PRKCE: variants seen among roughly 807,000 people sequenced by gnomAD.
PRKCE encodes the protein protein kinase C epsilon, also known as protein kinase C epsilon type.
In PRKCE, 16 loss-of-function variants were observed where a neutral mutation model predicts 85.4. The observed-to-expected ratio is 0.19, with a 90% CI of 0.13 to 0.28. The LOEUF is 0.28. Among genes scored for constraint, PRKCE ranks in the 10% least tolerant of loss-of-function variants. The pLI is 1.00. For missense variants in PRKCE, 573 were observed against 975.2 expected, an observed-to-expected ratio of 0.59 and a Z score of 5.49; for synonymous variants, 388 against 371.5, an observed-to-expected ratio of 1.04 and a Z score of -0.51.
At chr2:46,088,791 A>C (rs1669887256) in intron 11 of PRKCE, among the ~76,000 whole-genome samples, 1 of 152,184 alleles carries the variant, frequency 6.6e-6, no homozygotes, top group Admixed American at 6.5e-5. Flanking sequence ...TCTCTAATAC[A>C]GTGAGTACAA....
At chr2:45,727,703 A>G (rs1681196665) in intron 1 of PRKCE, among the ~76,000 whole-genome samples, 1 of 152,048 alleles carries the variant, frequency 6.6e-6, no homozygotes, top group Non-Finnish European at 1.5e-5. Context: ...CACCCAGGCT[A>G]GAGTGCAGTG....
chr2:45,712,538 G>A, intron 1 of PRKCE, among the ~76,000 whole-genome samples: 1 of 152,116 alleles, frequency 6.6e-6, no homozygotes, highest in East Asian at 1.9e-4. Flanking sequence ...ACTGTTGGTG[G>A]CCTCCAGGAA....
intron 14 of PRKCE, among the ~76,000 whole-genome samples, chr2:46,168,208 T>G (rs1413469196): frequency 6.6e-6 from 1 of 152,334 alleles, no homozygotes; most frequent in East Asian, 1.9e-4. Context: ...AGCTTTTCTT[T>G]GTGTCTTAAT....
chr2:45,818,246 A>T (rs1689243317), intron 1 of PRKCE, among the ~76,000 whole-genome samples: 1 of 152,178 alleles, frequency 6.6e-6, no homozygotes, highest in South Asian at 2.1e-4. Context: ...TTCATTCCAA[A>T]TATTTGGGAC....
chr2:45,846,373 GTTC>G (rs1359934559), intron 2 of PRKCE, among the ~76,000 whole-genome samples: 3 of 152,142 alleles, frequency 2.0e-5, no homozygotes, highest in South Asian at 2.1e-4. Context: ...GGACTGATAG[GTTC>G]TTCTTCCCAT....
chr2:45,981,497 G>A (rs1038078739), intron 5 of PRKCE, among the ~76,000 whole-genome samples: 1 of 152,132 alleles, frequency 6.6e-6, no homozygotes, highest in African/African-American at 2.4e-5. Flanking sequence ...ACTGTCTCTG[G>A]AAAGCAACAA....
chr2:46,092,090 C>T (rs1022318060), intron 11 of PRKCE, among the ~76,000 whole-genome samples: 1 of 152,172 alleles, frequency 6.6e-6, no homozygotes, highest in African/African-American at 2.4e-5. Flanking sequence ...CTTACAAAAC[C>T]TCTTTGTGAC....
At chr2:45,837,611 A>G (rs1020788756) in intron 1 of PRKCE, among the ~76,000 whole-genome samples, 1 of 152,186 alleles carries the variant, frequency 6.6e-6, no homozygotes, top group Non-Finnish European at 1.5e-5. Flanking sequence ...ATGCACAGAC[A>G]TAGGTGTGAA....
intron 11 of PRKCE, among the ~76,000 whole-genome samples, chr2:46,117,295 A>G (rs1672867305): frequency 6.6e-6 from 1 of 152,222 alleles, no homozygotes; most frequent in East Asian, 1.9e-4. Context: ...TTTACATTGA[A>G]TACATCTACA....
intron 10 of PRKCE, among the ~76,000 whole-genome samples, chr2:46,055,330 A>C (rs367865023): frequency 1.1e-4 from 17 of 152,192 alleles, no homozygotes; most frequent in African/African-American, 4.1e-4. Context: ...CCATCCCACA[A>C]GGGTGGAACT....
At chr2:46,154,974 G>A (rs1036015780) in intron 13 of PRKCE, among the ~76,000 whole-genome samples, 9 of 152,178 alleles carry the variant, frequency 5.9e-5, no homozygotes, top group Non-Finnish European at 1.0e-4. Context: ...TAGGAGCTAT[G>A]TAACTGTTTG....
chr2:46,037,216 C>T (rs944929970), intron 10 of PRKCE, among the ~76,000 whole-genome samples: 1 of 152,222 alleles, frequency 6.6e-6, no homozygotes, highest in African/African-American at 2.4e-5. Context: ...TTTCTGGAAC[C>T]ACTGGAATCC....
At position 46,139,112 on chromosome 2, in the gene PRKCE, C is replaced by T. The variant is rs746945921; in HGVS notation, c.1593-5981C>T. ...AGGGGGAAATGCTAGGAGTGGCCCT[C>T]CTAAAATCAGGGACCACCAAAGATG... On this transcript the variant is annotated intron_variant, in intron 11 of 14. Coordinates refer to ENST00000306156, the MANE Select transcript of PRKCE (RefSeq NM_005400.3). This position sits in a 1 kb window ranked among gnomAD's most constrained non-coding sequence, Gnocchi z 5.2. Among the ~76,000 whole-genome samples the T allele has an allele frequency of 4.6e-5, 7 of 152,106 alleles. No homozygotes were observed. Among genetic ancestry groups the T allele is most frequent in the Non-Finnish European group, 1.0e-4 (7 of 68,022 alleles).
chr2:45,740,161 G>A (rs1432176849), intron 1 of PRKCE, among the ~76,000 whole-genome samples: 3 of 105,560 alleles, frequency 2.8e-5, no homozygotes, highest in Admixed American at 9.2e-5. Context: ...AAAAAAAAAA[G>A]GACTTATTCA....
intron 2 of PRKCE, among the ~76,000 whole-genome samples, chr2:45,964,106 C>G (rs2104443715): frequency 6.6e-6 from 1 of 152,314 alleles, no homozygotes. Context: ...ACCCCATAGC[C>G]TTTAGGGTTG....
At chr2:46,075,230 A>T (rs1668456342) in intron 10 of PRKCE, among the ~76,000 whole-genome samples, 1 of 151,898 alleles carries the variant, frequency 6.6e-6, no homozygotes, top group South Asian at 2.1e-4. Context: ...TTTAGTACAG[A>T]CAGGGTTTCA....
At chr2:45,995,269 TTTTG>T (rs1363188033) in intron 6 of PRKCE, among the ~76,000 whole-genome samples, 2 of 152,080 alleles carry the variant, frequency 1.3e-5, no homozygotes, top group Non-Finnish European at 1.5e-5. Flanking sequence ...TGTGGTTTGG[TTTTG>T]TTTGTTTTTT....
intron 1 of PRKCE, among the ~76,000 whole-genome samples, chr2:45,678,223 A>T (rs1461830138): frequency 6.6e-6 from 1 of 152,242 alleles, no homozygotes; most frequent in Non-Finnish European, 1.5e-5. Flanking sequence ...TTTCAAATGC[A>T]TTCAGGATGT....
chr2:45,876,079 A>G (rs1451840498), intron 2 of PRKCE, among the ~76,000 whole-genome samples: 1 of 152,196 alleles, frequency 6.6e-6, no homozygotes, highest in African/African-American at 2.4e-5. Context: ...GAGAATAAGA[A>G]TTCTCATTTC....
Sources: gnomAD v4.1 joint callset for allele counts (sites outside exome capture counted in the v4.1 genomes callset) on GRCh38, gnomAD v4.1.1 for gene constraint, Gnocchi (gnomAD v3.1) non-coding constraint, MANE v1.5 for transcripts, NCBI Gene and HGNC (gene_info 2026-07-23, HGNC 2026-07-21) for gene names.